UBE2E2: variants seen among roughly 807,000 people sequenced by gnomAD.
The protein encoded by UBE2E2 is ubiquitin-conjugating enzyme E2 E2.
In UBE2E2, 6 loss-of-function variants were observed where a neutral mutation model predicts 24.7. That is an observed-to-expected ratio of 0.24 (90% confidence interval 0.13 to 0.48). The LOEUF (loss-of-function observed/expected upper bound fraction) is 0.48. Among genes scored for constraint, UBE2E2 ranks in the 20% least tolerant of loss-of-function variants. The pLI is 0.99. For missense variants in UBE2E2, 169 were observed against 245.0 expected (o/e 0.69, Z 2.07); for synonymous variants, 104 against 83.6 (o/e 1.24, Z -1.33).
intron 3 of UBE2E2, among the ~76,000 whole-genome samples, chr3:23,267,796 A>G (rs1448258411): frequency 2.0e-5 from 3 of 150,404 alleles, no homozygotes; most frequent in African/African-American, 4.9e-5. Context: ...CATTGATGCA[A>G]AAATCCTCAA....
At chr3:23,478,931 G>A (rs190363860) in intron 3 of UBE2E2, among the ~76,000 whole-genome samples, 1 of 151,760 alleles carries the variant, frequency 6.6e-6, no homozygotes, top group East Asian at 1.9e-4. Context: ...GGTGGCACAT[G>A]CCTGTGGTTC....
chr3:23,294,993 A>G (rs1410348969), intron 3 of UBE2E2, among the ~76,000 whole-genome samples: 2 of 152,060 alleles, frequency 1.3e-5, no homozygotes, highest in Non-Finnish European at 2.9e-5. Flanking sequence ...ACTTCTCTCT[A>G]CTTCCTCTTG....
At chr3:23,585,690 T>G (rs1039284821) in intron 5 of UBE2E2, among the ~76,000 whole-genome samples, 3 of 152,198 alleles carry the variant, frequency 2.0e-5, no homozygotes, top group Non-Finnish European at 4.4e-5. Flanking sequence ...ATTTTGTGGC[T>G]TTTCTTTAGT....
chr3:23,562,654 C>T (rs1418368243), intron 5 of UBE2E2, among the ~76,000 whole-genome samples: 1 of 152,154 alleles, frequency 6.6e-6, no homozygotes, highest in Non-Finnish European at 1.5e-5. Flanking sequence ...GTATCAGCTC[C>T]TCCTTGTACC....
chr3:23,429,689 AG>A (rs1274246896), intron 3 of UBE2E2, among the ~76,000 whole-genome samples: 10 of 152,180 alleles, frequency 6.6e-5, no homozygotes, highest in African/African-American at 2.4e-4. Context: ...AGATAGGAAA[AG>A]GGGCAGGGGA....
At chr3:23,227,600 A>G (rs1277103792) in intron 3 of UBE2E2, among the ~76,000 whole-genome samples, 3 of 152,184 alleles carry the variant, frequency 2.0e-5, no homozygotes, top group African/African-American at 7.2e-5. Flanking sequence ...TTTTAATTCA[A>G]TCCTGTGAGT....
chr3:23,291,088 A>AAT (rs1698754376), intron 3 of UBE2E2, among the ~76,000 whole-genome samples: 1 of 148,426 alleles, frequency 6.7e-6, no homozygotes, highest in Admixed American at 6.7e-5. Flanking sequence ...AAAACAAAAA[A>AAT]CGTGAGCCTA....
At chr3:23,225,509 T>G (rs1696794904) in intron 3 of UBE2E2, among the ~76,000 whole-genome samples, 1 of 152,210 alleles carries the variant, frequency 6.6e-6, no homozygotes, top group Non-Finnish European at 1.5e-5. Flanking sequence ...TCATTCCTTT[T>G]GGCTTGTGTA....
At chr3:23,268,094 A>G (rs1213407447) in intron 3 of UBE2E2, among the ~76,000 whole-genome samples, 3 of 151,736 alleles carry the variant, frequency 2.0e-5, no homozygotes, top group African/African-American at 7.3e-5. Context: ...CCCACAGGCA[A>G]TATCATACTG....
chr3:23,242,491 T>G (rs1559453012), intron 3 of UBE2E2, among the ~76,000 whole-genome samples: 1 of 150,982 alleles, frequency 6.6e-6, no homozygotes, highest in Non-Finnish European at 1.5e-5. Flanking sequence ...TTAAATTGTT[T>G]CTACAATCTT....
intron 5 of UBE2E2, among the ~76,000 whole-genome samples, chr3:23,553,972 A>G (rs1695715074): frequency 6.6e-6 from 1 of 152,168 alleles, no homozygotes; most frequent in African/African-American, 2.4e-5. Context: ...CATACTACCA[A>G]AAGCAATATG....
At chr3:23,349,662 G>A (rs1487679982) in intron 3 of UBE2E2, among the ~76,000 whole-genome samples, 1 of 152,218 alleles carries the variant, frequency 6.6e-6, no homozygotes, top group African/African-American at 2.4e-5. Context: ...AAACTGCGAG[G>A]CAGCAGCGAG....
intron 5 of UBE2E2, among the ~76,000 whole-genome samples, chr3:23,588,413 T>G (rs201689907): frequency 0.29 from 32,880 of 114,548 alleles, 3,786 homozygotes; most frequent in Admixed American, 0.32. Context: ...TTTTTTTGTT[T>G]TTTTTTTTTT....
At chr3:23,304,183 G>A (rs1304490287) in intron 3 of UBE2E2, among the ~76,000 whole-genome samples, 1 of 152,114 alleles carries the variant, frequency 6.6e-6, no homozygotes, top group African/African-American at 2.4e-5. Flanking sequence ...TTTTGACCGT[G>A]GGCAGGTCAA....
intron 4 of UBE2E2, among the ~76,000 whole-genome samples, chr3:23,509,574 AAT>A (rs1461056996): frequency 6.6e-6 from 1 of 151,878 alleles, no homozygotes; most frequent in Non-Finnish European, 1.5e-5. Context: ...TCTTTTTTTT[AAT>A]ATATATGTTT....
intron 3 of UBE2E2, among the ~76,000 whole-genome samples, chr3:23,482,614 A>T (rs139912653): frequency 1.3e-5 from 2 of 152,324 alleles, no homozygotes; most frequent in African/African-American, 4.8e-5. Context: ...AAGGAAGGAT[A>T]GGTGATGAAA....
intron 3 of UBE2E2, among the ~76,000 whole-genome samples, chr3:23,372,416 C>A (rs112937328): frequency 6.6e-6 from 1 of 152,236 alleles, no homozygotes; most frequent in Non-Finnish European, 1.5e-5. Flanking sequence ...AATTTCCCAA[C>A]ACTGACCTCT....
intron 3 of UBE2E2, among the ~76,000 whole-genome samples, chr3:23,345,950 A>G (rs1010095196): frequency 2.6e-5 from 4 of 152,188 alleles, no homozygotes; most frequent in Admixed American, 2.0e-4. Flanking sequence ...CATCTCACCA[A>G]CGGCAGACAG....
intron 3 of UBE2E2, among the ~76,000 whole-genome samples, chr3:23,469,785 G>C (rs1053859618): frequency 6.6e-5 from 10 of 152,184 alleles, no homozygotes; most frequent in Admixed American, 3.3e-4. Context: ...TTGAAGAGAA[G>C]AATGTAATCT....
Sources: gnomAD v4.1 joint callset for allele counts (sites outside exome capture counted in the v4.1 genomes callset) on GRCh38, gnomAD v4.1.1 for gene constraint, MANE v1.5 for transcripts, NCBI Gene and HGNC (gene_info 2026-07-23, HGNC 2026-07-21) for gene names.